The following NEXMIF variants were observed in gnomAD, a reference collection of about 807,000 sequenced individuals.
NEXMIF encodes the protein neurite extension and migration factor, also known as XLMR protein related to neurite extension.
Under a neutral mutation model 62.1 loss-of-function variants are expected in NEXMIF, and 8 were observed. The observed-to-expected ratio is 0.13, with a 90% CI of 0.08 to 0.23. The LOEUF (loss-of-function observed/expected upper bound fraction) is 0.23. Among genes scored for constraint, NEXMIF ranks in the 10% least tolerant of loss-of-function variants. The pLI is 1.00. For synonymous variants in NEXMIF, 404 were observed against 416.6 expected (o/e 0.97, Z 0.37); for missense variants, 976 against 1,113.3 (o/e 0.88, Z 1.75).
At chrX:74,773,908 C>CAAAAAAAAAA (rs61514458) in intron 1 of NEXMIF, among the ~76,000 whole-genome samples, 1 of 38,082 alleles carries the variant, frequency 2.6e-5, no homozygotes, top group Non-Finnish European at 4.3e-5. Context: ...GACTCCGTCT[C>CAAAAAAAAAA]AAAAAAAAAA....
intron 1 of NEXMIF, among the ~76,000 whole-genome samples, chrX:74,755,297 T>C (rs1602217357): frequency 8.9e-6 from 1 of 112,030 alleles, no homozygotes; most frequent in Non-Finnish European, 1.9e-5. Context: ...GACTATGCCA[T>C]GAGGAAAACA....
chrX:74,853,522 C>T (rs2080523415), intron 1 of NEXMIF, among the ~76,000 whole-genome samples: 1 of 109,625 alleles, frequency 9.1e-6, no homozygotes, highest in African/African-American at 3.3e-5. Flanking sequence ...CAGCTGCCAT[C>T]ATTTACATAT....
chrX:74,740,835 A>G lies in NEXMIF; in HGVS notation c.3722T>C (p.Ile1241Thr). 3 of 1,212,134 alleles carry G rather than the reference A, an allele frequency of 2.5e-6. No individual in the cohort carries two copies. Among genetic ancestry groups the G allele is most frequent in the Non-Finnish European group, 2.2e-6 (2 of 895,597 alleles). ...GTTGGTTTGGCTTCCCCCACGGCCA[A>G]TGCCAATTTGCATTTTCTCTCCATT... The part of the protein sequence containing the change: ...AINGEKMQIG[I>T]GRGGSQTNTI... Residue 1241 changes from isoleucine (I) to threonine (T), a missense_variant, in exon 3 of 4, where the codon ATT becomes ACT. This residue lies in a region of NEXMIF where 639 missense variants were observed against 694.5 expected (regional missense o/e 0.92). Coordinates refer to ENST00000055682, the MANE Select transcript of NEXMIF (RefSeq NM_001008537.3).
chrX:74,791,996 T>A (rs1295702739), intron 1 of NEXMIF, among the ~76,000 whole-genome samples: 1 of 110,558 alleles, frequency 9.0e-6, no homozygotes, highest in Non-Finnish European at 1.9e-5. Context: ...CTGATCTTAG[T>A]TATTTCTTGC....
chrX:74,780,628 T>C (rs1461641021), intron 1 of NEXMIF, among the ~76,000 whole-genome samples: 5 of 110,854 alleles, frequency 4.5e-5, no homozygotes, highest in Non-Finnish European at 9.5e-5. Context: ...CGGCCCGCTG[T>C]GGCCTCCCAA....
chrX:74,747,601 T>C (rs1034016946), intron 1 of NEXMIF, among the ~76,000 whole-genome samples: 2 of 110,881 alleles, frequency 1.8e-5, no homozygotes, highest in African/African-American at 6.6e-5. Context: ...CCATGAAATA[T>C]ATATAGGAAC....
chrX:74,838,336 C>T (rs2080463729), intron 1 of NEXMIF, among the ~76,000 whole-genome samples: 1 of 111,649 alleles, frequency 9.0e-6, no homozygotes, highest in Admixed American at 9.5e-5. Context: ...TTAAATTGAG[C>T]TTTTTACCAA....
intron 1 of NEXMIF, among the ~76,000 whole-genome samples, chrX:74,890,268 T>C (rs894122844): frequency 2.7e-5 from 3 of 111,006 alleles, no homozygotes; most frequent in African/African-American, 9.8e-5. Context: ...GTATGAGTCA[T>C]ACTTTATAGA....
chrX:74,748,458 T>C (rs1275606765), intron 1 of NEXMIF, among the ~76,000 whole-genome samples: 2 of 112,141 alleles, frequency 1.8e-5, no homozygotes, highest in African/African-American at 6.5e-5. Flanking sequence ...ACAGTTACAA[T>C]ACAAACAACT....
chrX:74,905,132 A>T (rs1427279631), intron 1 of NEXMIF, among the ~76,000 whole-genome samples: 1 of 111,908 alleles, frequency 8.9e-6, no homozygotes, highest in Non-Finnish European at 1.9e-5. Flanking sequence ...AGAAAAGGGG[A>T]ATGTAAAAAA....
chrX:74,870,494 T>C (rs1409300754), intron 1 of NEXMIF, among the ~76,000 whole-genome samples: 1 of 111,557 alleles, frequency 9.0e-6, no homozygotes, highest in Non-Finnish European at 1.9e-5. Context: ...GAAAAGCTTC[T>C]GCACAGCAAA....
chrX:74,840,243 C>T (rs1389211831), intron 1 of NEXMIF, among the ~76,000 whole-genome samples: 1 of 111,415 alleles, frequency 9.0e-6, no homozygotes, highest in East Asian at 2.8e-4. Flanking sequence ...ATATCCTTTG[C>T]CCACTTTTAA....
At chrX:74,794,782 C>A (rs1569344784) in intron 1 of NEXMIF, among the ~76,000 whole-genome samples, 1 of 111,842 alleles carries the variant, frequency 8.9e-6, no homozygotes, top group South Asian at 3.8e-4. Context: ...GGAAAGGGAA[C>A]TCCCTGACCC....
chrX:74,815,183 T>C (rs1269765282), intron 1 of NEXMIF, among the ~76,000 whole-genome samples: 1 of 112,231 alleles, frequency 8.9e-6, no homozygotes, highest in Non-Finnish European at 1.9e-5. Flanking sequence ...GAATGATGAA[T>C]TTTTTATTTT....
At chrX:74,824,835 A>G (rs1239057895) in intron 1 of NEXMIF, among the ~76,000 whole-genome samples, 2 of 110,200 alleles carry the variant, frequency 1.8e-5, no homozygotes, top group Non-Finnish European at 3.8e-5. Context: ...TTTTTAGTAC[A>G]GACAGAGTTT....
intron 1 of NEXMIF, among the ~76,000 whole-genome samples, chrX:74,872,749 C>T (rs955733312): frequency 3.7e-5 from 4 of 109,219 alleles, no homozygotes; most frequent in Non-Finnish European, 5.7e-5. Flanking sequence ...GTGGTTATTA[C>T]CCACTGCATT....
At chrX:74,916,688 C>T (rs904083451) in intron 1 of NEXMIF, among the ~76,000 whole-genome samples, 9 of 111,614 alleles carry the variant, frequency 8.1e-5, no homozygotes, top group African/African-American at 2.6e-4. Context: ...GAAATAAATT[C>T]CTTTTCTTTA....
intron 1 of NEXMIF, among the ~76,000 whole-genome samples, chrX:74,852,583 T>A (rs1248796883): frequency 2.7e-5 from 3 of 111,868 alleles, no homozygotes; most frequent in Admixed American, 1.9e-4. Context: ...CAACAGTTTT[T>A]AAAAAATCAA....
chrX:74,905,455 T>A (rs1470374976), intron 1 of NEXMIF, among the ~76,000 whole-genome samples: 3 of 112,394 alleles, frequency 2.7e-5, no homozygotes. Context: ...TTTCTCCAAG[T>A]AGAGATCCAA....
Sources: allele counts gnomAD v4.1 joint callset (sites outside exome capture counted in the v4.1 genomes callset), GRCh38; gene constraint gnomAD v4.1.1; regional missense constraint gnomAD v4.1.1; transcripts MANE v1.5; gene names NCBI Gene and HGNC (gene_info 2026-07-23, HGNC 2026-07-21).